The following BRAF variants were observed in gnomAD, a reference collection of about 807,000 sequenced individuals.
The protein encoded by BRAF is B-Raf proto-oncogene, serine/threonine kinase, also known as serine/threonine-protein kinase B-raf.
Under a neutral mutation model 104.6 loss-of-function variants are expected in BRAF, and 16 were observed. The ratio of observed to expected loss-of-function variants is 0.15; its 90% CI spans 0.10 to 0.23. The LOEUF is 0.23. Among genes scored for constraint, BRAF ranks in the 10% least tolerant of loss-of-function variants. BRAF has a pLI of 1.00. For synonymous variants in BRAF, 310 were observed against 341.6 expected, an observed-to-expected ratio of 0.91 and a Z score of 1.02; for missense variants, 541 against 937.3, an observed-to-expected ratio of 0.58 and a Z score of 5.52.
chr7:140,793,141 G>A (rs1802150362), intron 8 of BRAF, among the ~76,000 whole-genome samples: 1 of 152,164 alleles, frequency 6.6e-6, no homozygotes, highest in Non-Finnish European at 1.5e-5. Context: ...AAGATACAAA[G>A]ATGACACTCT....
intron 8 of BRAF, among the ~76,000 whole-genome samples, chr7:140,788,476 T>C (rs1050097999): frequency 6.6e-6 from 1 of 152,180 alleles, no homozygotes; most frequent in Non-Finnish European, 1.5e-5. Context: ...ATGTTTATAG[T>C]ATAATTTAAA....
intron 1 of BRAF, among the ~76,000 whole-genome samples, chr7:140,852,347 C>T (rs1286874420): frequency 7.2e-6 from 1 of 138,428 alleles, no homozygotes; most frequent in Non-Finnish European, 1.5e-5. Context: ...CCGGCCTGGG[C>T]AACATAGTGA....
intron 18 of BRAF, among the ~76,000 whole-genome samples, chr7:140,739,116 C>A (rs1796685749): frequency 6.6e-6 from 1 of 151,988 alleles, no homozygotes; most frequent in Non-Finnish European, 1.5e-5. Flanking sequence ...ATCTGTTTAC[C>A]ACCAAGAAGA....
chr7:140,843,260 C>T (rs1166874703), intron 2 of BRAF, among the ~76,000 whole-genome samples: 1 of 152,168 alleles, frequency 6.6e-6, no homozygotes, highest in East Asian at 1.9e-4. Context: ...GCTTAGTATA[C>T]AAGAGAACTT....
At chr7:140,781,932 T>TA (rs1356206614) in intron 11 of BRAF, among the ~76,000 whole-genome samples, 2 of 152,368 alleles carry the variant, frequency 1.3e-5, no homozygotes, top group East Asian at 3.9e-4. Flanking sequence ...TATTATACTT[T>TA]AAGTTCTAGG....
intron 19 of BRAF, chr7:140,734,476 G>A (rs1796214093): frequency 1.4e-5 from 22 of 1,591,952 alleles, no homozygotes; most frequent in Admixed American, 3.4e-5. Context: ...AACCACACAA[G>A]TGTTCTTTGG....
chr7:140,851,415 C>G (rs909604271), intron 1 of BRAF, among the ~76,000 whole-genome samples: 3 of 151,962 alleles, frequency 2.0e-5, no homozygotes, highest in Non-Finnish European at 4.4e-5. Flanking sequence ...TGTCAGATAT[C>G]AATTTTTAAA....
chr7:140,764,663 CAGAG>C (rs1799127265), intron 14 of BRAF, among the ~76,000 whole-genome samples: 1 of 152,154 alleles, frequency 6.6e-6, no homozygotes, highest in African/African-American at 2.4e-5. Flanking sequence ...AACAGACAAA[CAGAG>C]AGCCAAATCA....
chr7:140,746,503 C>A (rs931218207), intron 17 of BRAF, among the ~76,000 whole-genome samples: 13 of 152,044 alleles, frequency 8.6e-5, no homozygotes, highest in African/African-American at 1.4e-4. Context: ...GGAAGAAATT[C>A]TTAGCCGAAT....
intron 2 of BRAF, among the ~76,000 whole-genome samples, chr7:140,838,536 C>T (rs1223615414): frequency 6.6e-6 from 1 of 152,118 alleles, no homozygotes; most frequent in Non-Finnish European, 1.5e-5. Context: ...GACAACGCTT[C>T]CCAAGTTGAT....
At chr7:140,760,659 TA>T (rs1250965198) in intron 14 of BRAF, among the ~76,000 whole-genome samples, 1 of 151,926 alleles carries the variant, frequency 6.6e-6, no homozygotes, top group Admixed American at 6.6e-5. Flanking sequence ...TAGACGAATG[TA>T]TAACTAGAAT....
At chr7:140,850,022 T>C in intron 2 of BRAF, 89 bp downstream of exon 2, 3 of 998,038 alleles carry the variant, frequency 3.0e-6, no homozygotes, top group Non-Finnish European at 4.7e-6. Flanking sequence ...TCCCACCTCC[T>C]AAAATAATCA....
At chr7:140,873,159 T>A (rs977409316) in intron 1 of BRAF, among the ~76,000 whole-genome samples, 7 of 147,124 alleles carry the variant, frequency 4.8e-5, no homozygotes, top group African/African-American at 1.8e-4. Flanking sequence ...AACATCACAG[T>A]CTGTGGCTTT....
chr7:140,851,685 A>T (rs1031635236), intron 1 of BRAF, among the ~76,000 whole-genome samples: 4 of 152,226 alleles, frequency 2.6e-5, no homozygotes, highest in Non-Finnish European at 4.4e-5. Context: ...GTATCAAGTC[A>T]AGTCCCTATC....
Position 140,723,345 on chromosome 7 carries a change from GC to G in BRAF, c.*3148del. ...GTCTTGAATTATTTCTTTATATACT[GC>G]TCTTTCTTCTCCAACACCAACATAA... On this transcript the variant is annotated 3_prime_UTR_variant, in exon 20 of 20. Transcript: ENST00000644969. 2 of 1,055,114 alleles carry G rather than the reference GC, an allele frequency of 1.9e-6. No homozygotes were observed. Among genetic ancestry groups the G allele is most frequent in the Non-Finnish European group, 2.3e-6 (2 of 873,048 alleles). 65.4% of individuals were successfully genotyped at this position (1,055,114 alleles called of 1,614,324 possible). A position where few individuals can be genotyped will look rare whatever the true frequency, so the allele number is the denominator to read the frequency against.
chr7:140,884,427 ATATGTGTGTGTG>A (rs1161908281), intron 1 of BRAF, among the ~76,000 whole-genome samples: 7 of 114,578 alleles, frequency 6.1e-5, no homozygotes, highest in African/African-American at 1.6e-4. Context: ...TATATATAAG[ATATGTGTGTGTG>A]TGTGTGTGTG....
chr7:140,762,554 G>A (rs1296543294), intron 14 of BRAF, among the ~76,000 whole-genome samples: 7 of 143,506 alleles, frequency 4.9e-5, no homozygotes, highest in Non-Finnish European at 9.1e-5. Context: ...CAGAACTGAA[G>A]GAAATAGAGA....
intron 1 of BRAF, among the ~76,000 whole-genome samples, chr7:140,896,695 G>A (rs1814944738): frequency 6.6e-6 from 1 of 151,924 alleles, no homozygotes; most frequent in Non-Finnish European, 1.5e-5. Context: ...GTGAAACTCC[G>A]TCTCTACTGA....
intron 1 of BRAF, among the ~76,000 whole-genome samples, chr7:140,875,517 AG>A (rs1431270741): frequency 6.6e-6 from 1 of 152,210 alleles, no homozygotes; most frequent in African/African-American, 2.4e-5. Context: ...CTGGGATTAT[AG>A]GTGCCCGCGA....
Sources: allele counts gnomAD v4.1 joint callset (sites outside exome capture counted in the v4.1 genomes callset), GRCh38; gene constraint gnomAD v4.1.1; transcripts MANE v1.5; gene names NCBI Gene and HGNC (gene_info 2026-07-23, HGNC 2026-07-21).